The following TNFRSF10B variants were observed in gnomAD, a reference collection of about 807,000 sequenced individuals.
TNFRSF10B encodes tumor necrosis factor receptor superfamily member 10B.
In TNFRSF10B, 35 loss-of-function variants were observed where a neutral mutation model predicts 41.4. The observed-to-expected ratio is 0.85, with a 90% CI of 0.65 to 1.12. The LOEUF (loss-of-function observed/expected upper bound fraction) is 1.12, where lower values mean the gene tolerates loss of function less well. Among genes scored for constraint, TNFRSF10B ranks in the 50% most tolerant of loss-of-function variants. The pLI is 0.00. For missense variants in TNFRSF10B, 584 were observed against 552.7 expected, an observed-to-expected ratio of 1.06 and a Z score of -0.57; for synonymous variants, 230 against 215.5, an observed-to-expected ratio of 1.07 and a Z score of -0.59.
chr8:23,036,597 C>A (rs936785169), intron 2 of TNFRSF10B, among the ~76,000 whole-genome samples: 2 of 152,362 alleles, frequency 1.3e-5, no homozygotes, highest in South Asian at 4.1e-4. Context: ...GTAATCCCAG[C>A]ACTTTGGGAG....
intron 1 of TNFRSF10B, among the ~76,000 whole-genome samples, chr8:23,066,451 A>G (rs1304862817): frequency 6.6e-6 from 1 of 152,226 alleles, no homozygotes; most frequent in African/African-American, 2.4e-5. Context: ...CCTCACAGGG[A>G]AATGTCCAAA....
chr8:23,054,481 AAT>A (rs1812607358), intron 1 of TNFRSF10B, among the ~76,000 whole-genome samples: 1 of 152,308 alleles, frequency 6.6e-6, no homozygotes, highest in Middle Eastern at 3.4e-3. Context: ...AAGTTATGGC[AAT>A]ATAGTTATTT....
chr8:23,026,589 A>G (rs1811710030), intron 7 of TNFRSF10B, among the ~76,000 whole-genome samples: 1 of 152,228 alleles, frequency 6.6e-6, no homozygotes, highest in South Asian at 2.1e-4. Flanking sequence ...CTTACGAGCA[A>G]TGAACAATAA....
At chr8:23,030,701 A>G in intron 3 of TNFRSF10B, 58 bp downstream of exon 3, 5 of 1,360,906 alleles carry the variant, frequency 3.7e-6, no homozygotes, top group Non-Finnish European at 5.2e-6. Context: ...TTTAGCTACA[A>G]CTTTTATGTC....
At position 23,068,794 on chromosome 8, in the gene TNFRSF10B, A is replaced by T; in HGVS notation, c.101T>A (p.Val34Asp). ...EARGARPGPR[V>D]PKTLVLVVAA... The stretch of plus-strand genomic sequence containing the variant: ...GACAACGAGCACAAGGGTCTTGGGG[A>T]CCCGGGGCCCAGGCCTGGCTCCCCG... The change falls in exon 1 of 9, where the codon GTC (valine) becomes GAC (aspartate). Residue 34 changes from valine (V) to aspartate (D), a missense_variant. Coordinates refer to ENST00000276431, the MANE Select transcript of TNFRSF10B (RefSeq NM_003842.5). 6.2e-7 allele frequency: 1 copy of T among 1,608,416 alleles called. No homozygotes were observed. The highest frequency in any genetic ancestry group is 8.5e-7 in the Non-Finnish European group (1 of 1,177,918).
Position 23,068,883 on chromosome 8 carries a change from C to T in TNFRSF10B, c.12G>A (p.Arg4=), listed in dbSNP as rs774816303. 2.5e-6 allele frequency: 4 copies of T among 1,613,540 alleles called. No individual in the cohort carries two copies. The highest frequency in any genetic ancestry group is 3.4e-6 in the Non-Finnish European group (4 of 1,179,960). The change falls in exon 1 of 9, where the codon CGG becomes CGA. Residue 4 remains arginine (R), a synonymous_variant. Transcript: ENST00000276431. ...CCGAAGCGGCCGGGGCGTTCTGTCC[C>T]CGTTGTTCCATGGCGGTAGGGAACG... MEQ[R]GQNAPAASGA...
chr8:23,020,311 C>T lies in TNFRSF10B; in HGVS notation c.*2360G>A. ...ACACTATACTATGGCTGTCCTGTGT[C>T]ACATGCTATTTGGCCTGGGGATATA... On this transcript the variant is annotated 3_prime_UTR_variant, in exon 9 of 9. Transcript: ENST00000276431. 1 of 454,100 alleles carries T rather than the reference C, an allele frequency of 2.2e-6. No individual in the cohort carries two copies. Among genetic ancestry groups the T allele is most frequent in the Non-Finnish European group, 4.4e-6 (1 of 226,784 alleles). 28.1% of individuals were successfully genotyped at this position (454,100 alleles called of 1,614,324 possible).
intron 1 of TNFRSF10B, among the ~76,000 whole-genome samples, chr8:23,057,036 CTTT>C (rs138262629): frequency 0.25 from 33,356 of 135,734 alleles, 3,959 homozygotes; most frequent in Non-Finnish European, 0.27. Flanking sequence ...TCTTTTATGA[CTTT>C]TTTTTTTTTT....
At chr8:23,037,063 T>C (rs887311047) in intron 2 of TNFRSF10B, among the ~76,000 whole-genome samples, 3 of 152,172 alleles carry the variant, frequency 2.0e-5, no homozygotes, top group Non-Finnish European at 4.4e-5. Flanking sequence ...AAAAAAACCA[T>C]GAAGATATTT....
At chr8:23,033,516 G>A (rs547091440) in intron 2 of TNFRSF10B, among the ~76,000 whole-genome samples, 1 of 140,286 alleles carries the variant, frequency 7.1e-6, no homozygotes, top group South Asian at 2.3e-4. Context: ...GAAACCCAGG[G>A]GCCGGAGCCT....
In TNFRSF10B at chr8:23,020,701, A is replaced by T; in HGVS notation, c.*1970T>A. The T allele has an allele frequency of 2.2e-6, 1 of 453,776 alleles. No individual in the cohort carries two copies. Among genetic ancestry groups the T allele is most frequent in the Non-Finnish European group, 4.4e-6 (1 of 226,784 alleles). 28.1% of individuals were successfully genotyped at this position (453,776 alleles called of 1,614,324 possible). A position where few individuals can be genotyped will look rare whatever the true frequency, so the allele number is the denominator to read the frequency against. ...AGTGAGATTCTGTCTCAAAAAAATT[A>T]AAAATAAAAGAAAAATCTTAAACAC... On this transcript the variant is annotated 3_prime_UTR_variant, in exon 9 of 9. Coordinates refer to ENST00000276431, the MANE Select transcript of TNFRSF10B (RefSeq NM_003842.5).
At chr8:23,054,053 C>T (rs1044526803) in intron 1 of TNFRSF10B, among the ~76,000 whole-genome samples, 20 of 152,198 alleles carry the variant, frequency 1.3e-4, no homozygotes, top group African/African-American at 4.6e-4. Context: ...TTTTGTCCTC[C>T]ATAAATAATT....
At chr8:23,043,047 T>C (rs1427399356) in intron 2 of TNFRSF10B, 91 bp downstream of exon 2, 2 of 1,247,338 alleles carry the variant, frequency 1.6e-6, no homozygotes, top group Non-Finnish European at 2.3e-6. Context: ...CTCTGTGGAA[T>C]AAAGAACAAG....
In TNFRSF10B at chr8:23,022,463, A is replaced by T. The variant is rs911764081; in HGVS notation, c.*208T>A. ...ATCCAGACATTTCCATAGTGTCCTTATTATCACATTCAGCTTATAAAAATA... is the reference window on the plus strand; with the variant it reads ...ATCCAGACATTTCCATAGTGTCCTTTTTATCACATTCAGCTTATAAAAATA... On this transcript the variant is annotated 3_prime_UTR_variant, in exon 9 of 9. Transcript: ENST00000276431. 5 of 686,762 alleles carry T rather than the reference A, an allele frequency of 7.3e-6. No individual in the cohort carries two copies. Among genetic ancestry groups the T allele is most frequent in the Admixed American group, 2.0e-5 (1 of 49,382 alleles). 42.5% of individuals were successfully genotyped at this position (686,762 alleles called of 1,614,324 possible).
At chr8:23,025,776 G>T (rs536885258) in intron 7 of TNFRSF10B, among the ~76,000 whole-genome samples, 3 of 152,146 alleles carry the variant, frequency 2.0e-5, no homozygotes, top group Non-Finnish European at 4.4e-5. Flanking sequence ...TGGGTGACCT[G>T]CTTTCAAAAA....
intron 3 of TNFRSF10B, 59 bp downstream of exon 3, chr8:23,030,700 A>C: frequency 7.4e-7 from 1 of 1,352,566 alleles, no homozygotes; most frequent in Non-Finnish European, 1.0e-6. Flanking sequence ...TTTTAGCTAC[A>C]ACTTTTATGT....
Position 23,040,655 on chromosome 8 carries a change from T to G in TNFRSF10B, c.250+2483A>C, listed in dbSNP as rs542103827. ...AAGAGCAGAAACAAATCTTTTCTTGTCAATAACTATGTTAATTGAAAATAG... is the reference window on the plus strand; with the variant it reads ...AAGAGCAGAAACAAATCTTTTCTTGGCAATAACTATGTTAATTGAAAATAG... On this transcript the variant is annotated intron_variant, in intron 2 of 8. Coordinates refer to ENST00000276431, the MANE Select transcript of TNFRSF10B (RefSeq NM_003842.5). 9.1e-4 allele frequency among the ~76,000 whole-genome samples: 138 copies of G among 151,958 alleles called. 1 individual carries two copies. Among genetic ancestry groups the G allele is most frequent in the African/African-American group, 3.0e-3 (126 of 41,474 alleles).
At chr8:23,027,354 G>A (rs534824533) in intron 6 of TNFRSF10B, 66 bp from the exon 7 acceptor site, 27 of 1,592,224 alleles carry the variant, frequency 1.7e-5, no homozygotes, top group Non-Finnish European at 2.3e-5. Flanking sequence ...TCGCTGCAGG[G>A]TCCTCAGTAT....
chr8:23,048,879 G>A (rs1812440177), intron 1 of TNFRSF10B, among the ~76,000 whole-genome samples: 1 of 152,088 alleles, frequency 6.6e-6, no homozygotes, highest in Non-Finnish European at 1.5e-5. Flanking sequence ...TGAGATTACA[G>A]GCATGAGCCA....
Sources: gnomAD v4.1 joint callset for allele counts (sites outside exome capture counted in the v4.1 genomes callset) on GRCh38, gnomAD v4.1.1 for gene constraint, MANE v1.5 for transcripts, NCBI Gene and HGNC (gene_info 2026-07-23, HGNC 2026-07-21) for gene names.